CEP295: variants seen among roughly 807,000 people sequenced by gnomAD.
CEP295 encodes the protein centrosomal protein of 295 kDa.
In CEP295, 190 loss-of-function variants were observed where a neutral mutation model predicts 291.6. The ratio of observed to expected loss-of-function variants is 0.65; its 90% CI spans 0.58 to 0.73. The LOEUF is 0.73. CEP295 is among the 30% of genes least tolerant of loss of function. The pLI is 0.00. For synonymous variants in CEP295, 993 were observed against 1,038.8 expected, an observed-to-expected ratio of 0.96 and a Z score of 0.85; for missense variants, 2,863 against 2,949.4, an observed-to-expected ratio of 0.97 and a Z score of 0.68.
intron 10 of CEP295, among the ~76,000 whole-genome samples, chr11:93,688,077 G>A (rs1226369235): frequency 6.6e-6 from 1 of 152,070 alleles, no homozygotes; most frequent in African/African-American, 2.4e-5. Context: ...TAATTGCAAA[G>A]TAATCAATGA....
chr11:93,683,367 G>T (rs189652188), intron 7 of CEP295, among the ~76,000 whole-genome samples, 192 bp from the exon 8 acceptor site: 99 of 152,264 alleles, frequency 6.5e-4, no homozygotes, highest in African/African-American at 2.3e-3. Context: ...TGTGTCCCTA[G>T]CACTTAATGT....
chr11:93,718,942 C>T (rs1239329059), intron 18 of CEP295, among the ~76,000 whole-genome samples: 1 of 152,158 alleles, frequency 6.6e-6, no homozygotes, highest in Non-Finnish European at 1.5e-5. Flanking sequence ...AACCCCGTCT[C>T]TACTAAAATA....
In CEP295 at chr11:93,726,906, A is replaced by G. The variant is rs1020411811; in HGVS notation, c.6500-70A>G. 9 of 1,217,162 alleles carry G rather than the reference A, an allele frequency of 7.4e-6. No homozygotes were observed. The African/African-American group carries it at 1.1e-4, about 15-fold the overall frequency. The allele number at this position is 1,217,162 out of a possible 1,614,324, so 75.4% of individuals were successfully genotyped here. A position where few individuals can be genotyped will look rare whatever the true frequency, so the allele number is the denominator to read the frequency against. On this transcript the variant is annotated intron_variant, in intron 23 of 29. Transcript: ENST00000325212. ...ACTTGCAATTGGATGATAAACTATT[A>G]GAGACTGTCAGTATCCAACTTTTAC...
chr11:93,669,354 A>G (rs610974), intron 4 of CEP295, among the ~76,000 whole-genome samples: 2 of 151,968 alleles, frequency 1.3e-5, no homozygotes, highest in Non-Finnish European at 2.9e-5. Context: ...TGAGTGAAGC[A>G]AAGTAAAAAA....
chr11:93,694,746 A>G (rs1951766210), intron 12 of CEP295, among the ~76,000 whole-genome samples: 1 of 152,234 alleles, frequency 6.6e-6, no homozygotes, highest in South Asian at 2.1e-4. Flanking sequence ...TCATCACACT[A>G]CTTAGAATAG....
chr11:93,729,161 G>C, intron 25 of CEP295: 1 of 511,764 alleles, frequency 2.0e-6, no homozygotes, highest in Non-Finnish European at 3.4e-6. Context: ...AGGGGAGTAG[G>C]GAGGCAATAA....
At position 93,728,764 on chromosome 11, in the gene CEP295, T is replaced by C. The variant is rs1230078371; in HGVS notation, c.7245T>C (p.Asp2415=). 2 of 1,550,494 alleles carry C rather than the reference T, an allele frequency of 1.3e-6. No homozygotes were observed. The highest frequency in any genetic ancestry group is 2.4e-5 in the East Asian group (1 of 40,866). ...STTDTSIAEM[D]FANLTLEEKS... ...CTGATACCAGTATTGCTGAAATGGATTTTGCAAATTTAACCCTAGAAGAGA... is the reference window on the plus strand; with the variant it reads ...CTGATACCAGTATTGCTGAAATGGACTTTGCAAATTTAACCCTAGAAGAGA... Residue 2415 remains aspartate (D), a synonymous_variant, in exon 25 of 30, where the codon GAT becomes GAC. Coordinates refer to ENST00000325212, the MANE Select transcript of CEP295 (RefSeq NM_033395.2).
In CEP295 at chr11:93,697,800, G is replaced by A; in HGVS notation, c.2888G>A (p.Ser963Asn). The change falls in exon 15 of 30, where the codon AGC becomes AAC. Residue 963 changes from serine (S) to asparagine (N), a missense_variant. Around this residue, in one of 3 missense-constraint regions of CEP295, gnomAD observed 2,295 missense variants for 2,335.7 expected, o/e 0.98. Transcript: ENST00000325212. The part of the protein sequence containing the change: ...LQEQLNIQKD[S>N]LQARREAQEV... Reference sequence around the variant, plus strand: ...GAGCAGTTGAATATTCAGAAGGATAGCCTTCAGGCTAGGCGAGAAGCCCAG... The same window carrying A: ...GAGCAGTTGAATATTCAGAAGGATAACCTTCAGGCTAGGCGAGAAGCCCAG... 1.9e-6 allele frequency: 3 copies of A among 1,551,744 alleles called. No homozygotes were observed. The highest frequency in any genetic ancestry group is 2.6e-6 in the Non-Finnish European group (3 of 1,146,996).
chr11:93,694,262 G>A (rs984953983), intron 12 of CEP295, among the ~76,000 whole-genome samples: 2 of 152,170 alleles, frequency 1.3e-5, no homozygotes, highest in Admixed American at 6.5e-5. Context: ...ATCAGGGACT[G>A]TAGAGTAGTC....
At chr11:93,671,465 CT>C (rs1306631015) in intron 5 of CEP295, among the ~76,000 whole-genome samples, 1 of 152,170 alleles carries the variant, frequency 6.6e-6, no homozygotes, top group Non-Finnish European at 1.5e-5. Flanking sequence ...TGAGCATTTC[CT>C]TGCTCTGTGC....
rs937610959 is a variant in CEP295, at chr11:93,725,552, A to G, written c.6319-99A>G. 3 of 948,326 alleles carry G rather than the reference A, an allele frequency of 3.2e-6. No individual in the cohort carries two copies. In the East Asian group the frequency reaches 8.5e-5, roughly 27 times the overall value. 58.7% of individuals were successfully genotyped at this position (948,326 alleles called of 1,614,324 possible). A position where few individuals can be genotyped will look rare whatever the true frequency, so the allele number is the denominator to read the frequency against. On this transcript the variant is annotated intron_variant, in intron 22 of 29. Transcript: ENST00000325212. ...AAATCATTGCTGTCATAGTGAAGTG[A>G]TAATTAAGGAAGAGTAATACCAAAG...
At chr11:93,685,033 A>C (rs997440338) in intron 9 of CEP295, among the ~76,000 whole-genome samples, 12 of 152,322 alleles carry the variant, frequency 7.9e-5, no homozygotes, top group African/African-American at 2.4e-4. Flanking sequence ...CAATAAATTT[A>C]TGATCTTCTC....
chr11:93,687,712 C>T lies in CEP295; in HGVS notation c.1183C>T (p.Arg395Ter), dbSNP rs1476874283. The change falls in exon 10 of 30, where the codon CGA (arginine) becomes TGA (stop). Residue 395 changes from arginine (R) to a stop codon, truncating the protein, a stop_gained. Transcript: ENST00000325212. LOFTEE classifies it high-confidence loss of function. ...TTTTAAAAAATTATTAAATAAGATC[C>T]GAAGCCAAAAATCTCTCTGGACAAT... ...VLFKKLLNKI[R>*]SQKSLWTIKS... 6.5e-7 allele frequency: 1 copy of T among 1,547,794 alleles called. No homozygotes were observed. Among genetic ancestry groups the T allele is most frequent in the Non-Finnish European group, 8.7e-7 (1 of 1,144,204 alleles).
At chr11:93,676,323 C>T (rs1406591787) in intron 6 of CEP295, among the ~76,000 whole-genome samples, 1 of 151,948 alleles carries the variant, frequency 6.6e-6, no homozygotes, top group Non-Finnish European at 1.5e-5. Context: ...GCCTTTTCTG[C>T]ACTGAATATT....
intron 10 of CEP295, among the ~76,000 whole-genome samples, chr11:93,691,336 A>G (rs1030194055): frequency 6.6e-6 from 1 of 152,218 alleles, no homozygotes; most frequent in African/African-American, 2.4e-5. Context: ...CTAGTATCCA[A>G]ATATATCAAA....
At chr11:93,684,253 A>G (rs1951115359) in intron 9 of CEP295, 125 bp downstream of exon 9, 2 of 673,002 alleles carry the variant, frequency 3.0e-6, no homozygotes, top group Non-Finnish European at 4.9e-6. Context: ...TGATGGGAGC[A>G]GTAGCTAAAG....
chr11:93,701,131 G>A (rs192169372), intron 15 of CEP295, among the ~76,000 whole-genome samples: 2 of 152,280 alleles, frequency 1.3e-5, no homozygotes, highest in Admixed American at 6.5e-5. Flanking sequence ...TTGAGAGGCC[G>A]TGGCAGGTGG....
Position 93,727,622 on chromosome 11 carries a change from C to T in CEP295, c.7146C>T (p.Ser2382=). Residue 2382 remains serine (S), a synonymous_variant, in exon 24 of 30, where the codon AGC becomes AGT. Coordinates refer to ENST00000325212, the MANE Select transcript of CEP295 (RefSeq NM_033395.2). The stretch of plus-strand genomic sequence containing the variant: ...GTTCTGGATCATTTTCATTACAGAG[C>T]TCTATACCAGTCTGGGTAAGTGAAA... The part of the protein sequence containing the change: ...FASSGSFSLQ[S]SIPVWETETG... The T allele has an allele frequency of 6.5e-7, 1 of 1,542,038 alleles. No homozygotes were observed. The highest frequency in any genetic ancestry group is 8.7e-7 in the Non-Finnish European group (1 of 1,143,624).
intron 4 of CEP295, among the ~76,000 whole-genome samples, chr11:93,669,186 A>G (rs1264446300): frequency 6.6e-6 from 1 of 152,132 alleles, no homozygotes; most frequent in East Asian, 1.9e-4. Flanking sequence ...GAAAAAATAT[A>G]TGGCTACTTC....
Sources: allele counts gnomAD v4.1 joint callset (sites outside exome capture counted in the v4.1 genomes callset), GRCh38; gene constraint gnomAD v4.1.1; regional missense constraint gnomAD v4.1.1; transcripts MANE v1.5; gene names NCBI Gene and HGNC (gene_info 2026-07-23, HGNC 2026-07-21).